The following RUSC1 variants were observed in gnomAD, a reference collection of about 807,000 sequenced individuals.
RUSC1 encodes the protein AP-4 complex accessory subunit RUSC1.
Under a neutral mutation model 72.1 loss-of-function variants are expected in RUSC1, and 40 were observed. The observed-to-expected ratio is 0.55, with a 90% CI of 0.43 to 0.72. RUSC1 has a LOEUF of 0.72. Among genes scored for constraint, RUSC1 ranks in the 30% least tolerant of loss-of-function variants. RUSC1 has a pLI of 0.00. For synonymous variants in RUSC1, 512 were observed against 494.2 expected (o/e 1.04, Z -0.48); for missense variants, 1,092 against 1,172.3 (o/e 0.93, Z 1.00).
At position 155,322,057 on chromosome 1, in the gene RUSC1, C is replaced by A; in HGVS notation, c.284C>A (p.Ala95Asp). ...CCGTCACAGGAGGAAGAGGGGGCTG[C>A]CTCTCCCTCAGACCCAGGCTGCTCC... is the stretch of plus-strand genomic sequence containing the variant. The part of the protein sequence containing the change: ...QDPSQEEEGA[A>D]SPSDPGCSSS... Residue 95 changes from alanine to aspartate, a missense_variant, in exon 2 of 10, where the codon GCC (alanine) becomes GAC (aspartate). Transcript: ENST00000368352. The A allele has an allele frequency of 6.2e-7, 1 of 1,613,710 alleles. No homozygotes were observed. The highest frequency in any genetic ancestry group is 1.3e-5 in the African/African-American group (1 of 75,050).
In RUSC1 at chr1:155,330,648, A is replaced by C; in HGVS notation, c.*77A>C. The stretch of plus-strand genomic sequence containing the variant: ...AATGGCCAGTGAACACCATCCCAGA[A>C]GCATTTTCCCTCTGCAAAATGACGT... On this transcript the variant is annotated 3_prime_UTR_variant, in exon 10 of 10. Transcript: ENST00000368352. The C allele has an allele frequency of 7.3e-7, 1 of 1,369,756 alleles. No individual in the cohort carries two copies. Among genetic ancestry groups the C allele is most frequent in the South Asian group, 1.5e-5 (1 of 67,858 alleles). 84.9% of individuals were successfully genotyped at this position (1,369,756 alleles called of 1,614,324 possible).
intron 1 of RUSC1, 112 bp downstream of exon 1, chr1:155,321,103 G>A (rs749262734): frequency 2.2e-6 from 3 of 1,392,050 alleles, no homozygotes; most frequent in Non-Finnish European, 2.9e-6. Context: ...GTGGCTGAAC[G>A]ATGGAGACGA....
Position 155,325,369 on chromosome 1 carries a change from C to A in RUSC1, c.1587C>A (p.Thr529=). ...CGGATGTGGGGCACCTGGTGCTGAC[C>A]ACCCTCTGCCCGGCCCTCCACGCCC... is the stretch of plus-strand genomic sequence containing the variant. ...LSPDVGHLVL[T]TLCPALHALV... The change falls in exon 5 of 10, where the codon ACC becomes ACA. Residue 529 remains threonine (T), a synonymous_variant. Transcript: ENST00000368352. The surrounding 1 kb of genome is among the most constrained non-coding windows in gnomAD (Gnocchi z 6.5). 1 of 1,596,408 alleles carries A rather than the reference C, an allele frequency of 6.3e-7. No individual in the cohort carries two copies. Among genetic ancestry groups the A allele is most frequent in the South Asian group, 1.1e-5 (1 of 90,028 alleles).
Position 155,323,055 on chromosome 1 carries a change from G to A in RUSC1, c.1282G>A (p.Gly428Ser). 6.9e-6 allele frequency: 10 copies of A among 1,443,004 alleles called. No individual in the cohort carries two copies. Among genetic ancestry groups the A allele is most frequent in the Non-Finnish European group, 9.1e-6 (10 of 1,099,110 alleles). The allele number at this position is 1,443,004 out of a possible 1,614,324, so 89.4% of individuals were successfully genotyped here. The change falls in exon 2 of 10, where the codon GGC becomes AGC. Residue 428 changes from glycine (G) to serine (S), a missense_variant. Transcript: ENST00000368352. ...QPIAEGQSEE[G>S]RAVSPAAGEE... ...CATAGCGGAGGGGCAGTCCGAGGAG[G>A]GCCGGGCTGTCAGCCCAGCGGCTGG...
chr1:155,322,234 C>G lies in RUSC1; in HGVS notation c.461C>G (p.Thr154Ser), dbSNP rs1273526228. 6.2e-7 allele frequency: 1 copy of G among 1,613,076 alleles called. No homozygotes were observed. The highest frequency in any genetic ancestry group is 8.5e-7 in the Non-Finnish European group (1 of 1,179,274). Residue 154 changes from threonine to serine, a missense_variant, in exon 2 of 10, where the codon ACC (threonine) becomes AGC (serine). By Grantham distance (58) the Thr-to-Ser change is moderately conservative. Coordinates refer to ENST00000368352, the MANE Select transcript of RUSC1 (RefSeq NM_001105203.2). ...CCACTGGCTTCAGCAGGCCCTGGCACCTGCTCACCGGACAGCTTCTGCTGC... is the reference window on the plus strand; with the variant it reads ...CCACTGGCTTCAGCAGGCCCTGGCAGCTGCTCACCGGACAGCTTCTGCTGC... ...GSPLASAGPG[T>S]CSPDSFCCSP...
At chr1:155,324,460 G>A (rs760312741) in intron 2 of RUSC1, 5 of 1,612,032 alleles carry the variant, frequency 3.1e-6, no homozygotes, top group Non-Finnish European at 4.2e-6. Context: ...GCAGGACTGG[G>A]CCCCGGGGCG....
At position 155,321,967 on chromosome 1, in the gene RUSC1, A is replaced by G; in HGVS notation, c.194A>G (p.Asn65Ser). Residue 65 changes from asparagine (N) to serine (S), a missense_variant, in exon 2 of 10, where the codon AAC becomes AGC. Asn to Ser is a conservative substitution (Grantham distance 46). Coordinates refer to ENST00000368352, the MANE Select transcript of RUSC1 (RefSeq NM_001105203.2). ...GGCACCCTGGTGGACGCCAATTCCA[A>G]CAGCCCAGCTGTGCCCTGCCGGTGC... Reference protein sequence around the residue: ...CSGTLVDANSNSPAVPCRCCQ... With the variant: ...CSGTLVDANSSSPAVPCRCCQ... 2 of 1,599,720 alleles carry G rather than the reference A, an allele frequency of 1.3e-6. No homozygotes were observed. The highest frequency in any genetic ancestry group is 1.7e-5 in the Admixed American group (1 of 58,532).
In RUSC1 at chr1:155,321,752, C is replaced by T; in HGVS notation, c.-22C>T. The T allele has an allele frequency of 6.2e-7, 1 of 1,613,540 alleles. No homozygotes were observed. Reference sequence around the variant, plus strand: ...CCCTACCCTTCTGGTTCTCTAGAAGCCATCCCATCGCCGCTAGCATCATGC... The same window carrying T: ...CCCTACCCTTCTGGTTCTCTAGAAGTCATCCCATCGCCGCTAGCATCATGC... On this transcript the variant is annotated 5_prime_UTR_variant, in exon 2 of 10. Coordinates refer to ENST00000368352, the MANE Select transcript of RUSC1 (RefSeq NM_001105203.2).
Position 155,326,419 on chromosome 1 carries a change from G to A in RUSC1, c.1862-161G>A, listed in dbSNP as rs941662369. 6 of 685,776 alleles carry A rather than the reference G, an allele frequency of 8.7e-6. No individual in the cohort carries two copies. The highest frequency in any genetic ancestry group is 4.0e-5 in the South Asian group (2 of 50,498). 42.5% of individuals were successfully genotyped at this position (685,776 alleles called of 1,614,324 possible). A position where few individuals can be genotyped will look rare whatever the true frequency, so the allele number is the denominator to read the frequency against. ...TATTTGGGCTAGGTTCCATGCAGGC[G>A]GGGATGTCAGTCCTATAGCCCACCA... On this transcript the variant is annotated intron_variant, in intron 7 of 9. Transcript: ENST00000368352. This position sits in a 1 kb window ranked among gnomAD's most constrained non-coding sequence, Gnocchi z 4.7.
chr1:155,324,206 A>T, intron 2 of RUSC1: 3 of 1,406,726 alleles, frequency 2.1e-6, no homozygotes, highest in Admixed American at 3.1e-5. Flanking sequence ...GGAGGGGTGG[A>T]GGGTGAAGCT....
Position 155,322,705 on chromosome 1 carries a change from G to C in RUSC1, c.932G>C (p.Arg311Pro). Residue 311 changes from arginine (R) to proline (P), a missense_variant, in exon 2 of 10, where the codon CGG (arginine) becomes CCG (proline). Coordinates refer to ENST00000368352, the MANE Select transcript of RUSC1 (RefSeq NM_001105203.2). ...SDVSEEPVPH[R>P]TITSFHELAQ... ...GTCAGCGAGGAGCCGGTGCCCCACC[G>C]GACAATCACGTCCTTCCACGAGCTG... 1 of 1,614,228 alleles carries C rather than the reference G, an allele frequency of 6.2e-7. No homozygotes were observed. The highest frequency in any genetic ancestry group is 1.1e-5 in the South Asian group (1 of 91,082).
intron 9 of RUSC1, among the ~76,000 whole-genome samples, chr1:155,329,549 T>C (rs1233637123): frequency 6.6e-6 from 1 of 151,518 alleles, no homozygotes; most frequent in African/African-American, 2.4e-5. Context: ...CCTGCCACCA[T>C]GCCCAGCTAA....
At chr1:155,330,349 G>C in intron 9 of RUSC1, 54 bp from the exon 10 acceptor site, 2 of 1,596,712 alleles carry the variant, frequency 1.3e-6, no homozygotes, top group Non-Finnish European at 1.7e-6. Context: ...GCCTGGGGAC[G>C]GCTGGGCAGC....
At position 155,324,255 on chromosome 1, in the gene RUSC1, C is replaced by T. The variant is rs541732961; in HGVS notation, c.1358-590C>T. Reference sequence around the variant, plus strand: ...TGGCACTAGAGGTTCTGGCCACGCCCTCTCCGCGAGTCCAGTCCCACGCGG... The same window carrying T: ...TGGCACTAGAGGTTCTGGCCACGCCTTCTCCGCGAGTCCAGTCCCACGCGG... On this transcript the variant is annotated intron_variant, in intron 2 of 9. Transcript: ENST00000368352. The T allele has an allele frequency of 1.5e-5, 22 of 1,482,692 alleles. No individual in the cohort carries two copies. In the African/African-American group the frequency reaches 3.0e-4, roughly 20 times the overall value. 91.8% of individuals were successfully genotyped at this position (1,482,692 alleles called of 1,614,324 possible).
In RUSC1 at chr1:155,321,991, G is replaced by T; in HGVS notation, c.218G>T (p.Cys73Phe). Residue 73 changes from cysteine (C) to phenylalanine (F), a missense_variant, in exon 2 of 10, where the codon TGC (cysteine) becomes TTC (phenylalanine). Cys to Phe is a radical substitution (Grantham distance 205). Transcript: ENST00000368352. The part of the protein sequence containing the change: ...NSNSPAVPCR[C>F]CQEHGPGLEN... ...AACAGCCCAGCTGTGCCCTGCCGGT[G>T]CTGCCAGGAGCACGGTCCGGGCCTA... 2 of 1,599,996 alleles carry T rather than the reference G, an allele frequency of 1.3e-6. No individual in the cohort carries two copies. The highest frequency in any genetic ancestry group is 1.7e-6 in the Non-Finnish European group (2 of 1,172,144).
chr1:155,322,089 C>G lies in RUSC1; in HGVS notation c.316C>G (p.Leu106Val), dbSNP rs868288204. The G allele has an allele frequency of 2.8e-5, 45 of 1,613,702 alleles. 1 individual carries two copies. In the Middle Eastern group the frequency reaches 3.3e-3, roughly 118 times the overall value. ...SPSDPGCSSS[L>V]SSCSDLSPDE... ...CTCAGACCCAGGCTGCTCCTCCTCACTCAGCTCCTGCTCAGATCTTAGCCC... is the reference window on the plus strand; with the variant it reads ...CTCAGACCCAGGCTGCTCCTCCTCAGTCAGCTCCTGCTCAGATCTTAGCCC... Residue 106 changes from leucine to valine, a missense_variant, in exon 2 of 10, where the codon CTC becomes GTC. Coordinates refer to ENST00000368352, the MANE Select transcript of RUSC1 (RefSeq NM_001105203.2).
chr1:155,328,438 A>ATT (rs111541385), intron 9 of RUSC1, among the ~76,000 whole-genome samples, 163 bp downstream of exon 9: 4 of 142,004 alleles, frequency 2.8e-5, no homozygotes, highest in African/African-American at 7.7e-5. Context: ...TGAGCCTTGG[A>ATT]TTTTTTTTTT....
Position 155,322,972 on chromosome 1 carries a change from G to A in RUSC1, c.1199G>A (p.Arg400Gln). ...GTTGGCTGGGCTTTGGTCCCGCCCC[G>A]GCCCCCACCCCCGCCTGTCCCTCCC... ...PPVGWALVPP[R>Q]PPPPPVPPRR... Residue 400 changes from arginine (R) to glutamine (Q), a missense_variant, in exon 2 of 10, where the codon CGG (arginine) becomes CAG (glutamine). Arg to Gln is a conservative substitution (Grantham distance 43, BLOSUM62 1). Transcript: ENST00000368352. The A allele has an allele frequency of 6.1e-6, 4 of 653,260 alleles. No individual in the cohort carries two copies. Among genetic ancestry groups the A allele is most frequent in the South Asian group, 3.2e-5 (2 of 63,200 alleles). The allele number at this position is 653,260 out of a possible 1,614,324, so 40.5% of individuals were successfully genotyped here.
chr1:155,321,144 G>A (rs758992173), intron 1 of RUSC1, 153 bp downstream of exon 1: 6 of 1,377,552 alleles, frequency 4.4e-6, no homozygotes, highest in Non-Finnish European at 5.8e-6. Context: ...CCGCTGTTCC[G>A]AGGGGCGAGG....
Sources: gnomAD v4.1 joint callset for allele counts (sites outside exome capture counted in the v4.1 genomes callset) on GRCh38, gnomAD v4.1.1 for gene constraint, Gnocchi (gnomAD v3.1) non-coding constraint, MANE v1.5 for transcripts, NCBI Gene and HGNC (gene_info 2026-07-23, HGNC 2026-07-21) for gene names.